The following CHST9 variants were observed in gnomAD, a reference collection of about 807,000 sequenced individuals.
CHST9 encodes carbohydrate sulfotransferase 9, also known as GalNAc-4-sulfotransferase 2.
CHST9 carries 41 observed loss-of-function variants against 44.4 expected under a neutral mutation model. The observed-to-expected ratio is 0.92, with a 90% confidence interval of 0.72 to 1.20. The LOEUF is 1.20. Among genes scored for constraint, CHST9 ranks in the 50% most tolerant of loss-of-function variants. The pLI, the probability that CHST9 is intolerant of heterozygous loss-of-function variation, is 0.00. For missense variants in CHST9, 504 were observed against 516.5 expected (o/e 0.98, Z 0.23); for synonymous variants, 171 against 178.4 (o/e 0.96, Z 0.33).
At chr18:27,166,658 G>A (rs1424885841) in intron 1 of CHST9, among the ~76,000 whole-genome samples, 1 of 152,106 alleles carries the variant, frequency 6.6e-6, no homozygotes. Flanking sequence ...CAGAAATAAT[G>A]GTGCTTCATT....
chr18:26,923,050 C>A (rs2055692316), intron 5 of CHST9, among the ~76,000 whole-genome samples: 1 of 152,236 alleles, frequency 6.6e-6, no homozygotes, highest in African/African-American at 2.4e-5. Flanking sequence ...AGTTGTTGAG[C>A]ACCTCCTATA....
intron 5 of CHST9, among the ~76,000 whole-genome samples, chr18:26,937,246 CTTAA>C: frequency 6.6e-6 from 1 of 151,628 alleles, no homozygotes; most frequent in Non-Finnish European, 1.5e-5. Context: ...TTTTCACTTA[CTTAA>C]TTAAAAAAGT....
At chr18:26,992,704 T>C (rs192362029) in intron 4 of CHST9, among the ~76,000 whole-genome samples, 1 of 152,130 alleles carries the variant, frequency 6.6e-6, no homozygotes, top group African/African-American at 2.4e-5. Flanking sequence ...CTGTTTAACA[T>C]TTCACATGAT....
chr18:27,012,879 A>G (rs376472), intron 4 of CHST9, among the ~76,000 whole-genome samples: 2 of 152,372 alleles, frequency 1.3e-5, no homozygotes, highest in South Asian at 4.1e-4. Flanking sequence ...CAACAAATGT[A>G]AACTATGAAA....
chr18:27,061,991 C>T (rs1817608), intron 2 of CHST9, among the ~76,000 whole-genome samples: 50,210 of 151,930 alleles, frequency 0.33, 9,659 homozygotes, highest in Non-Finnish European at 0.45. Flanking sequence ...ACCAATGTGA[C>T]TAATATGGTC....
chr18:26,993,594 G>A (rs1260887162), intron 4 of CHST9, among the ~76,000 whole-genome samples: 1 of 152,034 alleles, frequency 6.6e-6, no homozygotes, highest in Non-Finnish European at 1.5e-5. Context: ...TATAATAAAT[G>A]AGTAAAAAGA....
In CHST9 at chr18:26,908,706, T is replaced by A. The variant is rs544970258; in HGVS notation, c.*7553A>T. 3.9e-5 allele frequency: 6 copies of A among 152,216 alleles called. No individual in the cohort carries two copies. The highest frequency in any genetic ancestry group is 1.4e-4 in the African/African-American group (6 of 41,460). 9.4% of individuals were successfully genotyped at this position (152,216 alleles called of 1,614,324 possible). On this transcript the variant is annotated 3_prime_UTR_variant, in exon 6 of 6. Coordinates refer to ENST00000618847, the MANE Select transcript of CHST9 (RefSeq NM_031422.6). The stretch of plus-strand genomic sequence containing the variant: ...GACCCACATGAAAGGGCTGTGTTTA[T>A]ATGTCAGAGTCAGTCAAATGTTGGC...
At chr18:27,075,206 T>C (rs1159717183) in intron 2 of CHST9, among the ~76,000 whole-genome samples, 1 of 150,842 alleles carries the variant, frequency 6.6e-6, no homozygotes, top group Non-Finnish European at 1.5e-5. Context: ...CACATTTCAT[T>C]AGTTGCAAGG....
intron 4 of CHST9, among the ~76,000 whole-genome samples, chr18:26,999,395 T>C (rs1379575388): frequency 1.3e-5 from 2 of 152,314 alleles, no homozygotes; most frequent in Admixed American, 1.3e-4. Flanking sequence ...TCTGGAAGGA[T>C]GTAGTCCATA....
intron 1 of CHST9, among the ~76,000 whole-genome samples, chr18:27,145,623 A>C (rs1266503912): frequency 6.6e-6 from 1 of 152,212 alleles, no homozygotes; most frequent in Non-Finnish European, 1.5e-5. Context: ...TTAACATTTC[A>C]CTAGTGCTTT....
chr18:27,151,066 A>T (rs2143897317), intron 1 of CHST9, among the ~76,000 whole-genome samples: 1 of 152,274 alleles, frequency 6.6e-6, no homozygotes, highest in East Asian at 1.9e-4. Context: ...TACTCATATA[A>T]GTCTTTGTAA....
chr18:26,952,375 C>T lies in CHST9; in HGVS notation c.203-8009G>A, dbSNP rs149896461. On this transcript the variant is annotated intron_variant, in intron 4 of 5. Coordinates refer to ENST00000618847, the MANE Select transcript of CHST9 (RefSeq NM_031422.6). ...GACTCCTGGGCAATTGGGACATCAA[C>T]AATTGTCTGTGGTGGGGATTTTGTA... is the stretch of plus-strand genomic sequence containing the variant. The T allele has an allele frequency of 1.5e-3, 701 of 467,302 alleles. 5 individuals carry two copies. Among genetic ancestry groups the T allele is most frequent in the African/African-American group, 0.013 (653 of 50,486 alleles). 28.9% of individuals were successfully genotyped at this position (467,302 alleles called of 1,614,324 possible).
At chr18:27,107,402 T>A (rs1380905307) in intron 2 of CHST9, among the ~76,000 whole-genome samples, 1 of 152,196 alleles carries the variant, frequency 6.6e-6, no homozygotes, top group Non-Finnish European at 1.5e-5. Context: ...TTGGGTATCA[T>A]CTTGTTCCCT....
intron 2 of CHST9, among the ~76,000 whole-genome samples, chr18:27,088,569 A>T (rs1434801532): frequency 6.6e-6 from 1 of 151,418 alleles, no homozygotes; most frequent in Non-Finnish European, 1.5e-5. Flanking sequence ...TAATTTTTGT[A>T]TTTTTAGTAG....
intron 2 of CHST9, among the ~76,000 whole-genome samples, chr18:27,128,021 G>A (rs2058439913): frequency 6.6e-6 from 1 of 152,162 alleles, no homozygotes. Flanking sequence ...TAGAAAACAG[G>A]AGGGAAAAAG....
At position 26,941,680 on chromosome 18, in the gene CHST9, G is replaced by A. The variant is rs141941758; in HGVS notation, c.240+2649C>T. On this transcript the variant is annotated intron_variant, in intron 5 of 5. Transcript: ENST00000618847. Reference sequence around the variant, plus strand: ...TGCATTCATCCCATTCTAGAACAGAGGCTGCCAAGCAGTTCACTGCTCATT... The same window carrying A: ...TGCATTCATCCCATTCTAGAACAGAAGCTGCCAAGCAGTTCACTGCTCATT... Among the ~76,000 whole-genome samples the A allele has an allele frequency of 2.8e-3, 423 of 152,084 alleles. 2 individuals carry two copies. The highest frequency in any genetic ancestry group is 9.1e-3 in the African/African-American group (378 of 41,482).
intron 2 of CHST9, among the ~76,000 whole-genome samples, chr18:27,140,671 CCATTCATT>C (rs556443946): frequency 2.0e-5 from 3 of 152,014 alleles, no homozygotes; most frequent in East Asian, 1.9e-4. Context: ...AATTTTCAAT[CCATTCATT>C]CATTCATTCA....
chr18:26,969,311 T>C (rs1486446445), intron 4 of CHST9, among the ~76,000 whole-genome samples: 1 of 152,108 alleles, frequency 6.6e-6, no homozygotes, highest in Non-Finnish European at 1.5e-5. Context: ...CACGAATTTA[T>C]GCAGTCTTAT....
At chr18:26,980,408 A>T (rs960389814) in intron 4 of CHST9, among the ~76,000 whole-genome samples, 1 of 152,182 alleles carries the variant, frequency 6.6e-6, no homozygotes, top group Non-Finnish European at 1.5e-5. Flanking sequence ...AATGGCAATG[A>T]TTATGTACCA....
Sources: allele counts gnomAD v4.1 joint callset (sites outside exome capture counted in the v4.1 genomes callset), GRCh38; gene constraint gnomAD v4.1.1; transcripts MANE v1.5; gene names NCBI Gene and HGNC (gene_info 2026-07-23, HGNC 2026-07-21).